Variants in ARL13B observed in about 807,000 individuals in gnomAD.
ARL13B encodes the protein ADP-ribosylation factor-like protein 13B.
Under a neutral mutation model 56.1 loss-of-function variants are expected in ARL13B, and 36 were observed. That is an observed-to-expected ratio of 0.64 (90% CI 0.49 to 0.85). The LOEUF (loss-of-function observed/expected upper bound fraction) is 0.85. Among genes scored for constraint, ARL13B ranks in the 40% least tolerant of loss-of-function variants. The pLI is 0.00. For missense variants in ARL13B, 519 were observed against 507.1 expected (o/e 1.02, Z -0.23); for synonymous variants, 178 against 171.1 (o/e 1.04, Z -0.32).
chr3:94,022,797 A>C lies in ARL13B; in HGVS notation c.381-12534A>C, dbSNP rs1019723219. ...GATTTTTCACAAAGTAAATACATCC[A>C]TGTAACTACCACATAGATCAAGAAA... On this transcript the variant is annotated intron_variant, in intron 3 of 9. Coordinates refer to ENST00000394222, the MANE Select transcript of ARL13B (RefSeq NM_001174150.2). Among the ~76,000 whole-genome samples the C allele has an allele frequency of 2.0e-5, 3 of 152,218 alleles. No homozygotes were observed. In the East Asian group the frequency reaches 5.8e-4, roughly 29 times the overall value.
intron 1 of ARL13B, among the ~76,000 whole-genome samples, chr3:93,995,408 G>A (rs764646124): frequency 1.3e-5 from 2 of 151,714 alleles, no homozygotes; most frequent in African/African-American, 4.8e-5. Flanking sequence ...CAAAATGTTA[G>A]CACTTCATAA....
At chr3:94,045,712 C>T (rs1230164993) in intron 7 of ARL13B, among the ~76,000 whole-genome samples, 2 of 151,628 alleles carry the variant, frequency 1.3e-5, no homozygotes, top group Non-Finnish European at 2.9e-5. Flanking sequence ...CCTGTAATCC[C>T]GACACTTTGG....
At chr3:93,991,521 C>T (rs1206866509) in intron 1 of ARL13B, among the ~76,000 whole-genome samples, 3 of 152,084 alleles carry the variant, frequency 2.0e-5, no homozygotes, top group Non-Finnish European at 2.9e-5. Context: ...ACTGTAGGCA[C>T]ACATCACCAT....
chr3:94,049,356 A>G, intron 7 of ARL13B, 50 bp from the exon 8 acceptor site: 1 of 1,097,486 alleles, frequency 9.1e-7, no homozygotes, highest in Non-Finnish European at 1.4e-6. Flanking sequence ...TCTATTATAA[A>G]AGTGCACTTT....
In ARL13B at chr3:94,019,438, G is replaced by A. The variant is rs139157471; in HGVS notation, c.380+15530G>A. Among the ~76,000 whole-genome samples, 238 of 152,024 alleles carry A rather than the reference G, an allele frequency of 1.6e-3. 4 individuals are homozygous for A. Among genetic ancestry groups the A allele is most frequent in the Middle Eastern group, 0.014 (4 of 294 alleles). ...TCTTGAACTCTTGACCTCATGATCC[G>A]CCCATCTTGGCTTCCCAAAGTGCTG... On this transcript the variant is annotated intron_variant, in intron 3 of 9. Transcript: ENST00000394222.
rs370597513 is a variant in ARL13B, at chr3:93,993,492, C to T, written c.60-2382C>T. Among the ~76,000 whole-genome samples, 6 of 152,174 alleles carry T rather than the reference C, an allele frequency of 3.9e-5. No homozygotes were observed. The East Asian group carries it at 7.7e-4, about 20-fold the overall frequency. ...CTTCAGTGCAGTGACACAATCATGG[C>T]TCACTACAGCCTTGACCTGCCAGGC... On this transcript the variant is annotated intron_variant, in intron 1 of 9. Transcript: ENST00000394222.
At chr3:94,024,191 A>T (rs1343721706) in intron 3 of ARL13B, among the ~76,000 whole-genome samples, 1 of 152,054 alleles carries the variant, frequency 6.6e-6, no homozygotes, top group Non-Finnish European at 1.5e-5. Flanking sequence ...CTGGTCTTGA[A>T]CTCCTAGCCT....
At chr3:94,020,345 C>T (rs576689223) in intron 3 of ARL13B, among the ~76,000 whole-genome samples, 1 of 152,106 alleles carries the variant, frequency 6.6e-6, no homozygotes, top group Non-Finnish European at 1.5e-5. Context: ...AATGAAATTA[C>T]GATCTCAGCT....
At chr3:93,999,340 C>T (rs1328200009) in intron 2 of ARL13B, among the ~76,000 whole-genome samples, 1 of 152,108 alleles carries the variant, frequency 6.6e-6, no homozygotes, top group Non-Finnish European at 1.5e-5. Context: ...CTCCTGGGCT[C>T]AAGCTATCCT....
rs1215972890 is a variant in ARL13B at position 94,053,241 on chromosome 3, A to G, written c.1265A>G (p.Asp422Gly). ...GCTGTGCCACAGCGACCTAACAGTG[A>G]TGCTCATGATGTGATCTCATAAACA... ...PLAVPQRPNS[D>G]AHDVIS Residue 422 changes from aspartate (D) to glycine (G), a missense_variant, in exon 10 of 10, where the codon GAT (aspartate) becomes GGT (glycine). Asp to Gly is a moderately conservative substitution (Grantham distance 94, BLOSUM62 -1). Transcript: ENST00000394222. 3 of 1,613,468 alleles carry G rather than the reference A, an allele frequency of 1.9e-6. No individual in the cohort carries two copies. In the South Asian group the frequency reaches 3.3e-5, roughly 18 times the overall value.
chr3:94,037,431 C>CT (rs1393155464), intron 5 of ARL13B, among the ~76,000 whole-genome samples: 2 of 152,052 alleles, frequency 1.3e-5, no homozygotes, highest in African/African-American at 2.4e-5. Flanking sequence ...GAAGGAAATC[C>CT]TCTGATAACT....
chr3:93,992,670 A>T (rs535272126), intron 1 of ARL13B, among the ~76,000 whole-genome samples: 7 of 152,244 alleles, frequency 4.6e-5, no homozygotes, highest in African/African-American at 1.7e-4. Context: ...AAAGCACTGT[A>T]GATCTTGAAA....
chr3:94,049,576 GAAAAAAA>G (rs879141969), intron 8 of ARL13B, 54 bp downstream of exon 8: 34 of 800,330 alleles, frequency 4.2e-5, no homozygotes, highest in Admixed American at 3.5e-4. Context: ...AAACAACAGA[GAAAAAAA>G]AAAAGAAAAA....
chr3:93,992,670 A>C (rs535272126), intron 1 of ARL13B, among the ~76,000 whole-genome samples: 5 of 152,244 alleles, frequency 3.3e-5, no homozygotes, highest in South Asian at 2.1e-4. Context: ...AAAGCACTGT[A>C]GATCTTGAAA....
At chr3:94,039,506 A>AG (rs1410213319) in intron 5 of ARL13B, among the ~76,000 whole-genome samples, 47 of 151,630 alleles carry the variant, frequency 3.1e-4, no homozygotes, top group African/African-American at 1.1e-3. Context: ...ACTCAAAAAA[A>AG]AAAAAAAAAA....
intron 3 of ARL13B, among the ~76,000 whole-genome samples, chr3:94,018,297 G>GA (rs888263930): frequency 2.0e-5 from 3 of 152,114 alleles, no homozygotes; most frequent in African/African-American, 7.2e-5. Context: ...TAATGATAGA[G>GA]ATGGAGTAAA....
At chr3:94,003,006 CTT>C (rs1378184636) in intron 2 of ARL13B, among the ~76,000 whole-genome samples, 1 of 152,064 alleles carries the variant, frequency 6.6e-6, no homozygotes, top group Non-Finnish European at 1.5e-5. Flanking sequence ...ATTATCACTC[CTT>C]GGCAGTTCAT....
chr3:94,002,497 C>T (rs1324898721), intron 2 of ARL13B, among the ~76,000 whole-genome samples: 1 of 152,142 alleles, frequency 6.6e-6, no homozygotes, highest in Non-Finnish European at 1.5e-5. Flanking sequence ...CCATGCAGCT[C>T]TGAACAATGT....
At position 94,031,572 on chromosome 3, in the gene ARL13B, G is replaced by A. The variant is rs2076677722; in HGVS notation, c.381-3759G>A. Among the ~76,000 whole-genome samples the A allele has an allele frequency of 2.0e-5, 3 of 152,084 alleles. No homozygotes were observed. In the South Asian group the frequency reaches 6.2e-4, roughly 32 times the overall value. On this transcript the variant is annotated intron_variant, in intron 3 of 9. Coordinates refer to ENST00000394222, the MANE Select transcript of ARL13B (RefSeq NM_001174150.2). The stretch of plus-strand genomic sequence containing the variant: ...CTGCTGCCTCAAAATGGGTACCTTT[G>A]AGCCTTAAAAAGAGCAATAACTGCA...
Sources: allele counts gnomAD v4.1 joint callset (sites outside exome capture counted in the v4.1 genomes callset), GRCh38; gene constraint gnomAD v4.1.1; transcripts MANE v1.5; gene names NCBI Gene and HGNC (gene_info 2026-07-23, HGNC 2026-07-21).